Variants in PRRC2A observed in about 807,000 individuals in gnomAD.
PRRC2A encodes the protein protein PRRC2A.
A neutral mutation model predicts 224.6 loss-of-function variants in PRRC2A; 59 were observed. The observed-to-expected ratio is 0.26, with a 90% confidence interval of 0.21 to 0.33. The LOEUF (loss-of-function observed/expected upper bound fraction) is 0.33, where lower values mean the gene tolerates loss of function less well. Among genes scored for constraint, PRRC2A ranks in the 10% least tolerant of loss-of-function variants. The pLI is 1.00. For missense variants in PRRC2A, 3,095 were observed against 2,880.7 expected (o/e 1.07, Z -1.70); for synonymous variants, 1,194 against 1,109.5 (o/e 1.08, Z -1.51).
Position 31,636,862 on chromosome 6 carries a change from G to A in PRRC2A, c.6064G>A (p.Ala2022Thr). The A allele has an allele frequency of 1.9e-6, 3 of 1,612,858 alleles. No homozygotes were observed. The highest frequency in any genetic ancestry group is 2.5e-6 in the Non-Finnish European group (3 of 1,180,026). Residue 2022 changes from alanine (A) to threonine (T), a missense_variant, in exon 28 of 31, where the codon GCT becomes ACT. This residue lies in a region of PRRC2A where 662 missense variants were observed against 609.5 expected (regional missense o/e 1.09). Transcript: ENST00000376033. The surrounding 1 kb of genome is among the most constrained non-coding windows in gnomAD (Gnocchi z 4.3). ...VGPALQPPSL[A>T]VRPPPAPATR... ...CCCTGCTCTGCAGCCCCCCAGCCTG[G>A]CTGTGCGGCCCCCACCTGCTCCTGC... is the stretch of plus-strand genomic sequence containing the variant.
intron 17 of PRRC2A, 84 bp downstream of exon 17, chr6:31,633,731 TA>T: frequency 6.5e-7 from 1 of 1,536,472 alleles, no homozygotes; most frequent in African/African-American, 1.4e-5. Flanking sequence ...GAACCTGGCC[TA>T]GGGACCCTGC....
Position 31,624,460 on chromosome 6 carries a change from T to C in PRRC2A, c.401T>C (p.Leu134Ser), listed in dbSNP as rs1176608347. Residue 134 changes from leucine to serine, a missense_variant, in exon 5 of 31, where the codon TTG becomes TCG. By Grantham distance (145) the Leu-to-Ser change is moderately radical. This residue lies in a region of PRRC2A where 287 missense variants were observed against 275.3 expected (regional missense o/e 1.04). Transcript: ENST00000376033. ...TGAACACTTCCCCAGAACACTCCTTTGGTTCCAAGCGGGGTAAAGTCCTGG... is the reference window on the plus strand; with the variant it reads ...TGAACACTTCCCCAGAACACTCCTTCGGTTCCAAGCGGGGTAAAGTCCTGG... The part of the protein sequence containing the change: ...RPPAAPENTP[L>S]VPSGVKSWAQ... The C allele has an allele frequency of 1.9e-6, 3 of 1,613,576 alleles. No individual in the cohort carries two copies. Among genetic ancestry groups the C allele is most frequent in the East Asian group, 4.5e-5 (2 of 44,900 alleles).
rs760201975 is a variant in PRRC2A, at chr6:31,636,938, G to T, written c.6140G>T (p.Arg2047Leu). Residue 2047 changes from arginine (R) to leucine (L), a missense_variant, in exon 28 of 31, where the codon CGA becomes CTA. Physicochemically the swap from Arg to Leu is moderately radical, Grantham distance 102 (BLOSUM62 -2). Coordinates refer to ENST00000376033, the MANE Select transcript of PRRC2A (RefSeq NM_004638.4). This position sits in a 1 kb window ranked among gnomAD's most constrained non-coding sequence, Gnocchi z 4.3. The part of the protein sequence containing the change: ...PARPFPASLG[R>L]AELHPVELKP... ...AGGCCCTTCCCCGCTAGCTTGGGGC[G>T]AGCAGAGGTAAGGTACAGGAACTGA... 1.2e-6 allele frequency: 2 copies of T among 1,612,778 alleles called. No homozygotes were observed. Among genetic ancestry groups the T allele is most frequent in the Admixed American group, 1.7e-5 (1 of 60,008 alleles).
chr6:31,623,681 C>T (rs1407892482), intron 2 of PRRC2A, 51 bp from the exon 3 acceptor site: 3 of 1,581,502 alleles, frequency 1.9e-6, no homozygotes, highest in Non-Finnish European at 1.7e-6. Flanking sequence ...AGGAGGCCAT[C>T]AGATCTCCCA....
Position 31,631,261 on chromosome 6 carries a change from C to T in PRRC2A, c.2588C>T (p.Pro863Leu), listed in dbSNP as rs1216121580. Residue 863 changes from proline (P) to leucine (L), a missense_variant, in exon 16 of 31, where the codon CCA (proline) becomes CTA (leucine). This residue lies in a region of PRRC2A where 2,001 missense variants were observed against 1,764.9 expected (regional missense o/e 1.13). Coordinates refer to ENST00000376033, the MANE Select transcript of PRRC2A (RefSeq NM_004638.4). This position sits in a 1 kb window ranked among gnomAD's most constrained non-coding sequence, Gnocchi z 4.5. ...RFPLEEPGPR[P>L]LPWPPGSDEV... ...CCTCTGGAGGAACCAGGGCCCCGTC[C>T]ACTCCCCTGGCCCCCAGGCAGTGAT... 1.2e-6 allele frequency: 2 copies of T among 1,612,502 alleles called. No individual in the cohort carries two copies. The highest frequency in any genetic ancestry group is 4.5e-5 in the East Asian group (2 of 44,860).
In PRRC2A at chr6:31,635,747, CAGGT is replaced by C; in HGVS notation, c.5541+2_5541+5del. 1 of 1,576,912 alleles carries C rather than the reference CAGGT, an allele frequency of 6.3e-7. No individual in the cohort carries two copies. Among genetic ancestry groups the C allele is most frequent in the Non-Finnish European group, 8.6e-7 (1 of 1,163,266 alleles). ...TGGCAGTGCTGGGCCTTCCAGTTCT[CAGGT>C]AGGCCCCGCTTCCCATTGCATGACC... On this transcript the variant is annotated splice_donor_variant and coding_sequence_variant, in exon 24 of 31. Coordinates refer to ENST00000376033, the MANE Select transcript of PRRC2A (RefSeq NM_004638.4). LOFTEE classifies it high-confidence loss of function.
intron 19 of PRRC2A, 26 bp downstream of exon 19, chr6:31,634,391 A>G (rs753337830): frequency 1.2e-6 from 2 of 1,612,370 alleles, no homozygotes; most frequent in Non-Finnish European, 1.7e-6. Context: ...TGAAAGGACT[A>G]TGGTAGAAGG....
chr6:31,626,235 T>A, intron 9 of PRRC2A, 73 bp downstream of exon 9: 1 of 1,508,974 alleles, frequency 6.6e-7, no homozygotes, highest in Non-Finnish European at 9.1e-7. Flanking sequence ...AAATACAGGG[T>A]TATGTGGGTG....
intron 5 of PRRC2A, 97 bp downstream of exon 5, chr6:31,624,619 G>A: frequency 7.4e-7 from 1 of 1,356,282 alleles, no homozygotes. Context: ...GTCCTCTTTG[G>A]CTAAATCAAG....
chr6:31,637,410 C>CTG, intron 30 of PRRC2A, 36 bp from the exon 31 acceptor site: 1 of 1,602,542 alleles, frequency 6.2e-7, no homozygotes. Flanking sequence ...TGACCTCTCA[C>CTG]TGTGACTCAC....
chr6:31,636,024 G>A lies in PRRC2A; in HGVS notation c.5599G>A (p.Gly1867Arg), dbSNP rs1332786204. 1 of 1,613,242 alleles carries A rather than the reference G, an allele frequency of 6.2e-7. No homozygotes were observed. The highest frequency in any genetic ancestry group is 8.5e-7 in the Non-Finnish European group (1 of 1,179,232). The change falls in exon 25 of 31, where the codon GGG becomes AGG. Residue 1867 changes from glycine to arginine, a missense_variant. This residue lies in a region of PRRC2A where 662 missense variants were observed against 609.5 expected (regional missense o/e 1.09). Coordinates refer to ENST00000376033, the MANE Select transcript of PRRC2A (RefSeq NM_004638.4). This position sits in a 1 kb window ranked among gnomAD's most constrained non-coding sequence, Gnocchi z 4.3. Reference sequence around the variant, plus strand: ...TCCAAACAGTGGAGGCTTCCGCCCTGGGACACCCTCACTGCACCCTTACAG... The same window carrying A: ...TCCAAACAGTGGAGGCTTCCGCCCTAGGACACCCTCACTGCACCCTTACAG... The part of the protein sequence containing the change: ...LHPNSGGFRP[G>R]TPSLHPYRSQ...
rs746497928 is a variant in PRRC2A at position 31,629,839 on chromosome 6, C to A, written c.2248C>A (p.Pro750Thr). Reference sequence around the variant, plus strand: ...AGACTTCTACCCTCCTGGTGTGCATCCCTCTGGTAAGGGGGCATGGGAGGA... The same window carrying A: ...AGACTTCTACCCTCCTGGTGTGCATACCTCTGGTAAGGGGGCATGGGAGGA... Reference protein sequence around the residue: ...PLDFYPPGVHPSGLVPRERSD... With the variant: ...PLDFYPPGVHTSGLVPRERSD... Residue 750 changes from proline to threonine, a missense_variant, in exon 14 of 31, where the codon CCC (proline) becomes ACC (threonine). Physicochemically the swap from Pro to Thr is conservative, Grantham distance 38. This residue lies in a region of PRRC2A where 2,001 missense variants were observed against 1,764.9 expected (regional missense o/e 1.13). Coordinates refer to ENST00000376033, the MANE Select transcript of PRRC2A (RefSeq NM_004638.4). 6.2e-7 allele frequency: 1 copy of A among 1,614,010 alleles called. No homozygotes were observed. The highest frequency in any genetic ancestry group is 8.5e-7 in the Non-Finnish European group (1 of 1,179,960).
chr6:31,629,445 C>T lies in PRRC2A; in HGVS notation c.1957-103C>T. 3 of 1,456,310 alleles carry T rather than the reference C, an allele frequency of 2.1e-6. No individual in the cohort carries two copies. In the South Asian group the frequency reaches 3.7e-5, roughly 18 times the overall value. The allele number at this position is 1,456,310 out of a possible 1,614,324, so 90.2% of individuals were successfully genotyped here. A position where few individuals can be genotyped will look rare whatever the true frequency, so the allele number is the denominator to read the frequency against. ...CCTTTGCTTCTTTGTCCAGTTGTCT[C>T]CATTGTCACGCCAATTTCCCCTAGT... On this transcript the variant is annotated intron_variant, in intron 13 of 30. Coordinates refer to ENST00000376033, the MANE Select transcript of PRRC2A (RefSeq NM_004638.4).
Position 31,631,718 on chromosome 6 carries a change from T to C in PRRC2A, c.3045T>C (p.Tyr1015=). ...CAAGGCTTCGGAGGGACTATTCGTA[T>C]GAAAGAGTGGGTCCTACCTCTTGCC... ...PAPRLRRDYS[Y]ERVGPTSCRG... The change falls in exon 16 of 31, where the codon TAT becomes TAC. Residue 1015 remains tyrosine (Y), a synonymous_variant. Coordinates refer to ENST00000376033, the MANE Select transcript of PRRC2A (RefSeq NM_004638.4). This position sits in a 1 kb window ranked among gnomAD's most constrained non-coding sequence, Gnocchi z 4.5. The C allele has an allele frequency of 6.6e-7, 1 of 1,519,082 alleles. No homozygotes were observed. Among genetic ancestry groups the C allele is most frequent in the East Asian group, 2.3e-5 (1 of 43,754 alleles). The allele number at this position is 1,519,082 out of a possible 1,614,324, so 94.1% of individuals were successfully genotyped here.
chr6:31,630,582 T>C lies in PRRC2A; in HGVS notation c.2255-9T>C, dbSNP rs1339259117. The C allele has an allele frequency of 1.2e-5, 19 of 1,613,422 alleles. No individual in the cohort carries two copies. Among genetic ancestry groups the C allele is most frequent in the Non-Finnish European group, 1.6e-5 (19 of 1,179,556 alleles). ...TAGGATTATTTTTCTTTTTCTTTGG[T>C]TTCTTCAGGCCTAGTTCCCCGAGAG... On this transcript the variant is annotated splice_polypyrimidine_tract_variant and intron_variant, in intron 14 of 30. Transcript: ENST00000376033.
At position 31,637,495 on chromosome 6, in the gene PRRC2A, C is replaced by T. The variant is rs1380569054; in HGVS notation, c.6383C>T (p.Thr2128Ile). The T allele has an allele frequency of 5.7e-6, 9 of 1,573,650 alleles. No homozygotes were observed. The highest frequency in any genetic ancestry group is 2.3e-5 in the South Asian group (2 of 85,404). The part of the protein sequence containing the change: ...LRWIPKPWER[T>I]GPPPREGPSR... ...TGGATACCTAAGCCTTGGGAGCGGA[C>T]AGGGCCGCCACCTCGAGAAGGGCCC... The change falls in exon 31 of 31, where the codon ACA (threonine) becomes ATA (isoleucine). Residue 2128 changes from threonine to isoleucine, a missense_variant. This residue lies in a region of PRRC2A where 662 missense variants were observed against 609.5 expected (regional missense o/e 1.09). Coordinates refer to ENST00000376033, the MANE Select transcript of PRRC2A (RefSeq NM_004638.4).
At position 31,627,704 on chromosome 6, in the gene PRRC2A, G is replaced by A; in HGVS notation, c.1291-61G>A. ...TAGCGACAGTTGATTTGTTGTAAAA[G>A]AGATGATAGAAAGCATAGTAACTGA... On this transcript the variant is annotated intron_variant, in intron 11 of 30. Coordinates refer to ENST00000376033, the MANE Select transcript of PRRC2A (RefSeq NM_004638.4). This position sits in a 1 kb window ranked among gnomAD's most constrained non-coding sequence, Gnocchi z 5.6. 2 of 1,572,516 alleles carry A rather than the reference G, an allele frequency of 1.3e-6. No homozygotes were observed. Among genetic ancestry groups the A allele is most frequent in the Non-Finnish European group, 1.7e-6 (2 of 1,157,866 alleles).
At position 31,635,415 on chromosome 6, in the gene PRRC2A, G is replaced by C. The variant is rs756492029; in HGVS notation, c.5323G>C (p.Val1775Leu). 6.2e-7 allele frequency: 1 copy of C among 1,614,266 alleles called. No homozygotes were observed. Among genetic ancestry groups the C allele is most frequent in the Non-Finnish European group, 8.5e-7 (1 of 1,180,040 alleles). The change falls in exon 23 of 31, where the codon GTA (valine) becomes CTA (leucine). Residue 1775 changes from valine to leucine, a missense_variant. By Grantham distance (32) the Val-to-Leu change is conservative (BLOSUM62 1). Transcript: ENST00000376033. Reference sequence around the variant, plus strand: ...ACAGGACTCAGACTTACGCCTAGTGGTAGGAGACAGCTTGAAAGCAGAGAA... The same window carrying C: ...ACAGGACTCAGACTTACGCCTAGTGCTAGGAGACAGCTTGAAAGCAGAGAA... ...SDKDSDLRLVVGDSLKAEKEL... is the reference protein window; with the variant it reads ...SDKDSDLRLVLGDSLKAEKEL...
At position 31,636,047 on chromosome 6, in the gene PRRC2A, C is replaced by A. The variant is rs763569901; in HGVS notation, c.5622C>A (p.Tyr1874Ter). Reference protein sequence around the residue: ...FRPGTPSLHPYRSQPLYLPPG... With the variant: ...FRPGTPSLHP Reference sequence around the variant, plus strand: ...CTGGGACACCCTCACTGCACCCTTACAGGTAAGACTCGATGCCTGTGGATC... The same window carrying A: ...CTGGGACACCCTCACTGCACCCTTAAAGGTAAGACTCGATGCCTGTGGATC... Residue 1874 changes from tyrosine (Y) to a stop codon, truncating the protein, a stop_gained and splice_region_variant, in exon 25 of 31, where the codon TAC (tyrosine) becomes TAA (stop). Transcript: ENST00000376033. LOFTEE classifies it high-confidence loss of function. The surrounding 1 kb of genome is among the most constrained non-coding windows in gnomAD (Gnocchi z 4.3). 1.2e-6 allele frequency: 2 copies of A among 1,609,756 alleles called. No homozygotes were observed. The highest frequency in any genetic ancestry group is 1.7e-4 in the Middle Eastern group (1 of 6,054).
Sources: gnomAD v4.1 joint callset for allele counts on GRCh38, gnomAD v4.1.1 for gene constraint, gnomAD v4.1.1 regional missense constraint, Gnocchi (gnomAD v3.1) non-coding constraint, MANE v1.5 for transcripts, NCBI Gene and HGNC (gene_info 2026-07-23, HGNC 2026-07-21) for gene names.